ING1: variants seen among roughly 807,000 people sequenced by gnomAD.
ING1 encodes inhibitor of growth family member 1, also known as inhibitor of growth protein 1.
ING1 carries 4 observed loss-of-function variants against 23.1 expected under a neutral mutation model. The observed-to-expected ratio is 0.17, with a 90% confidence interval of 0.09 to 0.40. The LOEUF (loss-of-function observed/expected upper bound fraction) is 0.40. ING1 is among the 10% of genes least tolerant of loss of function. ING1 has a pLI of 1.00. For synonymous variants in ING1, 179 were observed against 166.4 expected (o/e 1.08, Z -0.58); for missense variants, 256 against 393.8 (o/e 0.65, Z 2.96).
At chr13:110,714,567 G>C (rs936691540) in intron 1 of ING1, among the ~76,000 whole-genome samples, 6 of 151,996 alleles carry the variant, frequency 3.9e-5, no homozygotes, top group African/African-American at 1.4e-4. Flanking sequence ...GGCGGGTGCT[G>C]CGGGGGAGGG....
At chr13:110,717,594 A>T (rs1431681370) in intron 1 of ING1, among the ~76,000 whole-genome samples, 1 of 152,172 alleles carries the variant, frequency 6.6e-6, no homozygotes, top group Non-Finnish European at 1.5e-5. Context: ...TGGGAGACCG[A>T]GGCGGGCGGA....
At chr13:110,715,838 C>G (rs761142165) in intron 1 of ING1, 4 of 1,589,914 alleles carry the variant, frequency 2.5e-6, no homozygotes, top group South Asian at 1.1e-5. Context: ...CCGCTCAGCC[C>G]GGCCACTTTC....
At position 110,723,328 on chromosome 13, in the gene ING1, A is replaced by T. The variant is rs761819614; in HGVS notation, c.*3396A>T. 5.3e-5 allele frequency: 8 copies of T among 152,170 alleles called. No homozygotes were observed. The highest frequency in any genetic ancestry group is 1.2e-4 in the Non-Finnish European group (8 of 68,024). The allele number at this position is 152,170 out of a possible 1,614,324, so 9.4% of individuals were successfully genotyped here. On this transcript the variant is annotated 3_prime_UTR_variant, in exon 2 of 2. Coordinates refer to ENST00000333219, the MANE Select transcript of ING1 (RefSeq NM_198219.3). Reference sequence around the variant, plus strand: ...GTTGCCAATGCTGAATAAAGCATTTATCAAAGTAAAAGCCATTTCCTCTTA... The same window carrying T: ...GTTGCCAATGCTGAATAAAGCATTTTTCAAAGTAAAAGCCATTTCCTCTTA...
Position 110,719,399 on chromosome 13 carries a change from A to T in ING1, c.307A>T (p.Thr103Ser). The T allele has an allele frequency of 6.2e-7, 1 of 1,610,878 alleles. No homozygotes were observed. The highest frequency in any genetic ancestry group is 8.5e-7 in the Non-Finnish European group (1 of 1,179,712). Reference protein sequence around the residue: ...SQMVELVENRTRQVDSHVELF... With the variant: ...SQMVELVENRSRQVDSHVELF... ...GATGGTGGAGCTGGTGGAGAACCGC[A>T]CGCGGCAGGTGGACAGCCACGTGGA... The change falls in exon 2 of 2, where the codon ACG becomes TCG. Residue 103 changes from threonine (T) to serine (S), a missense_variant. Coordinates refer to ENST00000333219, the MANE Select transcript of ING1 (RefSeq NM_198219.3). This position sits in a 1 kb window ranked among gnomAD's most constrained non-coding sequence, Gnocchi z 8.9.
rs1187613732 is a variant in ING1 at position 110,714,159 on chromosome 13, C to T, written c.10C>T (p.Pro4Ser). Residue 4 changes from proline (P) to serine (S), a missense_variant, in exon 1 of 2, where the codon CCT becomes TCT. This residue lies in a region of ING1 where 209 missense variants were observed against 273.8 expected (regional missense o/e 0.76). Transcript: ENST00000333219. MLS[P>S]ANGEQLHLVN... is the part of the protein sequence containing the mutation. Reference sequence around the variant, plus strand: ...ACCTCCGGGGTGAACCATGTTGAGTCCTGCCAACGGGGAGCAGCTCCACCT... The same window carrying T: ...ACCTCCGGGGTGAACCATGTTGAGTTCTGCCAACGGGGAGCAGCTCCACCT... 6 of 1,548,920 alleles carry T rather than the reference C, an allele frequency of 3.9e-6. No homozygotes were observed. The African/African-American group carries it at 8.5e-5, about 22-fold the overall frequency.
intron 1 of ING1, 48 bp downstream of exon 1, chr13:110,714,333 G>C (rs2064081060): frequency 1.3e-6 from 2 of 1,485,004 alleles, no homozygotes; most frequent in Admixed American, 2.2e-5. Context: ...CCTTCCCGGC[G>C]GGTCCGGGCG....
In ING1 at chr13:110,719,221, G is replaced by GC; in HGVS notation, c.137-3dup. The GC allele has an allele frequency of 6.2e-7, 1 of 1,612,926 alleles. No homozygotes were observed. Among genetic ancestry groups the GC allele is most frequent in the South Asian group, 1.1e-5 (1 of 91,004 alleles). ...CTCGCGAGTGACGCCTGTCCTTCTT[G>GC]CCCCCAGAGATCCTGAAGGAGCTAG... On this transcript the variant is annotated splice_polypyrimidine_tract_variant and splice_region_variant and intron_variant, in intron 1 of 1. Transcript: ENST00000333219. This position sits in a 1 kb window ranked among gnomAD's most constrained non-coding sequence, Gnocchi z 8.9.
chr13:110,715,224 G>A, intron 1 of ING1: 1 of 1,287,382 alleles, frequency 7.8e-7, no homozygotes, highest in Non-Finnish European at 9.8e-7. Flanking sequence ...ATCACCACTC[G>A]GAGTTTACTA....
intron 1 of ING1, chr13:110,715,312 A>C: frequency 7.1e-7 from 1 of 1,403,156 alleles, no homozygotes. Flanking sequence ...TATCCCCGAA[A>C]GTACTAGACG....
At chr13:110,715,794 G>A in intron 1 of ING1, 2 of 1,590,986 alleles carry the variant, frequency 1.3e-6, no homozygotes, top group Admixed American at 1.7e-5. Flanking sequence ...CCCATTGGCT[G>A]GAGGCCTGGC....
At position 110,720,292 on chromosome 13, in the gene ING1, T is replaced by G. The variant is rs2064161574; in HGVS notation, c.*360T>G. ...TTTATTTTAATACAAGTAATATTAT[T>G]ACTTTATGAACAATTTTTTTTAATT... On this transcript the variant is annotated 3_prime_UTR_variant, in exon 2 of 2. Coordinates refer to ENST00000333219, the MANE Select transcript of ING1 (RefSeq NM_198219.3). 1 of 174,510 alleles carries G rather than the reference T, an allele frequency of 5.7e-6. No individual in the cohort carries two copies. Among genetic ancestry groups the G allele is most frequent in the Non-Finnish European group, 1.4e-5 (1 of 73,404 alleles). 10.8% of individuals were successfully genotyped at this position (174,510 alleles called of 1,614,324 possible).
At chr13:110,713,455 T>G, upstream of ING1, 1 of 990,826 alleles carries the variant, frequency 1.0e-6, no homozygotes, top group Non-Finnish European at 1.2e-6. Context: ...AGTTTGCGCC[T>G]CGCCCGCCGT....
At chr13:110,716,049 G>C (rs758358823) in intron 1 of ING1, 2 of 1,475,066 alleles carry the variant, frequency 1.4e-6, no homozygotes, top group Admixed American at 2.4e-5. Context: ...GACCCTCGGC[G>C]CAGAAACTTT....
chr13:110,715,701 C>T lies in ING1; in HGVS notation c.136+1416C>T, dbSNP rs142087197. Reference sequence around the variant, plus strand: ...CCGCCCTGCGGTGTGGTTGGTTCTCCTCCTGGCCTCCGCCCTCCAAATCGG... The same window carrying T: ...CCGCCCTGCGGTGTGGTTGGTTCTCTTCCTGGCCTCCGCCCTCCAAATCGG... On this transcript the variant is annotated intron_variant, in intron 1 of 1. Coordinates refer to ENST00000333219, the MANE Select transcript of ING1 (RefSeq NM_198219.3). The T allele has an allele frequency of 8.2e-6, 13 of 1,593,982 alleles. No individual in the cohort carries two copies. The East Asian group carries it at 2.7e-4, about 33-fold the overall frequency.
chr13:110,713,080 T>C, upstream of ING1: 2 of 1,444,510 alleles, frequency 1.4e-6, no homozygotes, highest in Non-Finnish European at 1.8e-6. Context: ...TCCCCTTCCT[T>C]CCGCCTCCCG....
intron 1 of ING1, chr13:110,715,188 C>T: frequency 8.1e-7 from 1 of 1,240,692 alleles, no homozygotes. Flanking sequence ...TCAGTCAAGG[C>T]TTTGGGGGCT....
chr13:110,712,762 G>A, upstream of ING1: 1 of 706,346 alleles, frequency 1.4e-6, no homozygotes, highest in Non-Finnish European at 2.6e-6. Context: ...CCATGACACA[G>A]GGCGGGAAGA....
intron 1 of ING1, chr13:110,715,662 C>T: frequency 6.2e-7 from 1 of 1,610,524 alleles, no homozygotes. Context: ...GCTGCTGGGG[C>T]GGGCCGTGCT....
upstream of ING1, chr13:110,713,130 T>C: frequency 7.0e-7 from 1 of 1,429,356 alleles, no homozygotes. Flanking sequence ...CGGGGGGCAT[T>C]ACTCACGGTC....
Sources: gnomAD v4.1 joint callset for allele counts (sites outside exome capture counted in the v4.1 genomes callset) on GRCh38, gnomAD v4.1.1 for gene constraint, gnomAD v4.1.1 regional missense constraint, Gnocchi (gnomAD v3.1) non-coding constraint, MANE v1.5 for transcripts, NCBI Gene and HGNC (gene_info 2026-07-23, HGNC 2026-07-21) for gene names.